Variants in PCDH15 observed in about 807,000 individuals in gnomAD.
PCDH15 encodes protocadherin-15.
In PCDH15, 129 loss-of-function variants were observed where a neutral mutation model predicts 178.5. The ratio of observed to expected loss-of-function variants is 0.72; its 90% CI spans 0.63 to 0.84. The LOEUF (loss-of-function observed/expected upper bound fraction) is 0.84, where lower values mean the gene tolerates loss of function less well. Ranked by LOEUF, PCDH15 falls within the 40% of genes least tolerant of loss-of-function variation. The pLI, the probability that PCDH15 is intolerant of heterozygous loss-of-function variation, is 0.00. For synonymous variants in PCDH15, 800 were observed against 732.0 expected, an observed-to-expected ratio of 1.09 and a Z score of -1.50; for missense variants, 2,230 against 2,099.9, an observed-to-expected ratio of 1.06 and a Z score of -1.21.
At chr10:54,507,467 T>G (rs2081265563) in intron 3 of PCDH15, among the ~76,000 whole-genome samples, 1 of 151,882 alleles carries the variant, frequency 6.6e-6, no homozygotes, top group African/African-American at 2.4e-5. Context: ...TTGAAAACTA[T>G]GCTTCCTTCA....
intron 30 of PCDH15, among the ~76,000 whole-genome samples, chr10:53,830,873 A>G (rs887951701): frequency 6.6e-6 from 1 of 152,188 alleles, no homozygotes; most frequent in Non-Finnish European, 1.5e-5. Flanking sequence ...CATTTGCACA[A>G]AGGCAAATTT....
chr10:55,320,479 C>A (rs183635432), upstream of PCDH15, among the ~76,000 whole-genome samples: 188 of 152,270 alleles, frequency 1.2e-3, no homozygotes, highest in African/African-American at 3.8e-3. Context: ...CCACTGCTGG[C>A]CTGTGTAAAA....
At chr10:53,922,720 T>C (rs1210062869) in intron 25 of PCDH15, among the ~76,000 whole-genome samples, 1 of 152,206 alleles carries the variant, frequency 6.6e-6, no homozygotes, top group African/African-American at 2.4e-5. Context: ...TATCATCAAA[T>C]AGGGATCATT....
intron 2 of PCDH15, among the ~76,000 whole-genome samples, chr10:55,619,252 G>A (rs1843539729): frequency 1.3e-5 from 2 of 151,712 alleles, no homozygotes. Context: ...ATAAAATACA[G>A]AAACACCAAT....
chr10:54,344,837 A>C (rs771000209), intron 6 of PCDH15, among the ~76,000 whole-genome samples: 5 of 145,512 alleles, frequency 3.4e-5, no homozygotes, highest in Non-Finnish European at 7.5e-5. Context: ...TCACATTCTC[A>C]TCATATCCCC....
chr10:54,572,367 A>G (rs1317516862), intron 2 of PCDH15, among the ~76,000 whole-genome samples: 1 of 152,114 alleles, frequency 6.6e-6, no homozygotes, highest in East Asian at 1.9e-4. Context: ...AATCACAAAG[A>G]GCTGACTCCA....
chr10:55,020,319 A>G (rs1469358726), intron 2 of PCDH15, among the ~76,000 whole-genome samples: 1 of 151,774 alleles, frequency 6.6e-6, no homozygotes, highest in Non-Finnish European at 1.5e-5. Context: ...TGTAATAGTA[A>G]TTAATTGAAA....
chr10:54,523,122 GC>G (rs2083045415), intron 3 of PCDH15, among the ~76,000 whole-genome samples: 1 of 152,172 alleles, frequency 6.6e-6, no homozygotes, highest in Non-Finnish European at 1.5e-5. Flanking sequence ...AACCAGGTCA[GC>G]ATTTTTGGAA....
chr10:54,336,414 A>G (rs1941140155), intron 6 of PCDH15, among the ~76,000 whole-genome samples: 1 of 152,100 alleles, frequency 6.6e-6, no homozygotes, highest in Admixed American at 6.6e-5. Context: ...CTAGGAGAAA[A>G]AAGCGGTTTC....
chr10:54,078,753 A>AT, intron 17 of PCDH15, among the ~76,000 whole-genome samples: 1 of 86,912 alleles, frequency 1.2e-5, no homozygotes, highest in Non-Finnish European at 2.8e-5. Flanking sequence ...AATGTCTAAC[A>AT]ATTTTTTTTT....
At chr10:55,109,899 C>G (rs1358973929) in intron 2 of PCDH15, among the ~76,000 whole-genome samples, 1 of 151,396 alleles carries the variant, frequency 6.6e-6, no homozygotes, top group Non-Finnish European at 1.5e-5. Flanking sequence ...GGAAATTTCC[C>G]CAAAATCAAA....
At chr10:54,949,854 C>T (rs1270660784) in intron 2 of PCDH15, among the ~76,000 whole-genome samples, 1 of 151,922 alleles carries the variant, frequency 6.6e-6, no homozygotes, top group Non-Finnish European at 1.5e-5. Flanking sequence ...TATTCCAGTT[C>T]CCAACAAATT....
intron 23 of PCDH15, among the ~76,000 whole-genome samples, chr10:53,946,814 A>G (rs1291688657): frequency 3.9e-5 from 6 of 152,180 alleles, no homozygotes; most frequent in African/African-American, 1.2e-4. Flanking sequence ...GTCTCGCTCT[A>G]TCGCCCAGAC....
intron 1 of PCDH15, among the ~76,000 whole-genome samples, chr10:54,679,051 G>A (rs1171295967): frequency 6.6e-6 from 1 of 151,628 alleles, no homozygotes; most frequent in African/African-American, 2.4e-5. Flanking sequence ...TTAGCCGGGC[G>A]TGTTGGCGGG....
chr10:55,122,553 T>C (rs1004558924), intron 2 of PCDH15, among the ~76,000 whole-genome samples: 5 of 151,930 alleles, frequency 3.3e-5, no homozygotes, highest in African/African-American at 1.2e-4. Context: ...AAGATAGAAA[T>C]GAGAAAAAAA....
chr10:54,004,361 A>G (rs573313885), intron 20 of PCDH15, among the ~76,000 whole-genome samples: 4 of 151,810 alleles, frequency 2.6e-5, no homozygotes, highest in African/African-American at 9.7e-5. Flanking sequence ...TTGTTTGCAA[A>G]TGATAAAATC....
chr10:55,618,423 GTTAC>G (rs1228645384), intron 2 of PCDH15, among the ~76,000 whole-genome samples: 2 of 151,970 alleles, frequency 1.3e-5, no homozygotes, highest in African/African-American at 4.8e-5. Flanking sequence ...CAACTGTACT[GTTAC>G]TTAAATAAAT....
rs1380771788 is a variant in PCDH15, at chr10:54,421,858, T to C, written c.158-42916A>G. On this transcript the variant is annotated intron_variant, in intron 3 of 37. Transcript: ENST00000644397. ...TATATACACACACACTATATATATATATATACACACACTATATATATATAT... is the reference window on the plus strand; with the variant it reads ...TATATACACACACACTATATATATACATATACACACACTATATATATATAT... Among the ~76,000 whole-genome samples, 344 of 89,970 alleles carry C rather than the reference T, an allele frequency of 3.8e-3. 12 individuals are homozygous for C. The highest frequency in any genetic ancestry group is 6.3e-3 in the Non-Finnish European group (276 of 44,052). 59.0% of individuals were successfully genotyped at this position (89,970 alleles called of 152,430 possible). A position where few individuals can be genotyped will look rare whatever the true frequency, so the allele number is the denominator to read the frequency against.
chr10:54,142,005 AT>A (rs1268928406), intron 14 of PCDH15, among the ~76,000 whole-genome samples: 1 of 151,954 alleles, frequency 6.6e-6, no homozygotes, highest in Non-Finnish European at 1.5e-5. Context: ...TGCATTTGCC[AT>A]TTTTCAATAA....
Sources: gnomAD v4.1 joint callset for allele counts (sites outside exome capture counted in the v4.1 genomes callset) on GRCh38, gnomAD v4.1.1 for gene constraint, MANE v1.5 for transcripts, NCBI Gene and HGNC (gene_info 2026-07-23, HGNC 2026-07-21) for gene names.